Variants in ANTXR1 observed in about 807,000 individuals in gnomAD.
The protein encoded by ANTXR1 is anthrax toxin receptor 1.
ANTXR1 carries 19 observed loss-of-function variants against 78.1 expected under a neutral mutation model. That is an observed-to-expected ratio of 0.24 (90% CI 0.17 to 0.36). ANTXR1 has a LOEUF of 0.36. Among genes scored for constraint, ANTXR1 ranks in the 10% least tolerant of loss-of-function variants. The pLI, the probability that ANTXR1 is intolerant of heterozygous loss-of-function variation, is 1.00. For synonymous variants in ANTXR1, 273 were observed against 260.5 expected (o/e 1.05, Z -0.46); for missense variants, 518 against 718.6 (o/e 0.72, Z 3.19).
At chr2:69,086,416 T>A (rs1206977943) in intron 8 of ANTXR1, among the ~76,000 whole-genome samples, 1 of 152,254 alleles carries the variant, frequency 6.6e-6, no homozygotes, top group African/African-American at 2.4e-5. Context: ...GGCAAAGTTC[T>A]TGTACATCCG....
intron 3 of ANTXR1, among the ~76,000 whole-genome samples, chr2:69,065,177 G>A (rs1366395967): frequency 1.3e-5 from 2 of 152,194 alleles, no homozygotes; most frequent in Non-Finnish European, 2.9e-5. Context: ...TGTAATCCCA[G>A]CACTTTGGGA....
intron 3 of ANTXR1, among the ~76,000 whole-genome samples, chr2:69,055,768 C>A (rs7580085): frequency 0.33 from 49,345 of 151,674 alleles, 13,074 homozygotes; most frequent in African/African-American, 0.71. Flanking sequence ...AGAAAAAAAA[C>A]ATTATGTGTC....
intron 1 of ANTXR1, among the ~76,000 whole-genome samples, chr2:69,024,248 T>C (rs897354075): frequency 6.6e-6 from 1 of 152,144 alleles, no homozygotes; most frequent in African/African-American, 2.4e-5. Flanking sequence ...ATGTAGGGCA[T>C]GTGCATGGAG....
At position 69,182,180 on chromosome 2, in the gene ANTXR1, G is replaced by A. The variant is rs148094986; in HGVS notation, c.1185+299G>A. ...GAGCAGGTCACACATCAGCTCAAAC[G>A]TCCTCGTGATTTCTTTTCTCACTGG... On this transcript the variant is annotated intron_variant, in intron 15 of 17. Transcript: ENST00000303714. Among the ~76,000 whole-genome samples, 25 of 152,148 alleles carry A rather than the reference G, an allele frequency of 1.6e-4. No individual in the cohort carries two copies. The South Asian group carries it at 4.6e-3, about 28-fold the overall frequency.
chr2:69,026,819 T>G (rs945623656), intron 1 of ANTXR1, among the ~76,000 whole-genome samples: 2 of 152,192 alleles, frequency 1.3e-5, no homozygotes, highest in Non-Finnish European at 2.9e-5. Context: ...CCTCATTCCT[T>G]TCCCCTCTAT....
chr2:69,035,142 A>G (rs1262474257), intron 1 of ANTXR1, among the ~76,000 whole-genome samples: 1 of 151,686 alleles, frequency 6.6e-6, no homozygotes, highest in Non-Finnish European at 1.5e-5. Flanking sequence ...ATTCATCCCT[A>G]TGCAAGAAGG....
chr2:69,205,763 G>A (rs1198083521), intron 17 of ANTXR1, among the ~76,000 whole-genome samples: 10 of 152,056 alleles, frequency 6.6e-5, no homozygotes, highest in South Asian at 2.1e-4. Context: ...TGAATCCTCC[G>A]TCTCTTAATA....
intron 12 of ANTXR1, chr2:69,145,998 T>G (rs1272022167): frequency 3.0e-6 from 3 of 985,294 alleles, no homozygotes; most frequent in Non-Finnish European, 3.6e-6. Context: ...ATTTTGTGAG[T>G]TGGGAGCAGA....
intron 17 of ANTXR1, among the ~76,000 whole-genome samples, chr2:69,198,589 A>G (rs1674710409): frequency 6.6e-6 from 1 of 152,174 alleles, no homozygotes; most frequent in Non-Finnish European, 1.5e-5. Flanking sequence ...CTAGTTTGCC[A>G]TTTACCTTTT....
intron 15 of ANTXR1, among the ~76,000 whole-genome samples, chr2:69,182,171 A>T (rs1283543132): frequency 6.6e-6 from 1 of 152,086 alleles, no homozygotes; most frequent in African/African-American, 2.4e-5. Context: ...GTCACACATC[A>T]GCTCAAACGT....
At chr2:69,071,417 A>T (rs1439598311) in intron 4 of ANTXR1, among the ~76,000 whole-genome samples, 1 of 152,236 alleles carries the variant, frequency 6.6e-6, no homozygotes, top group East Asian at 1.9e-4. Flanking sequence ...TAAACATAGA[A>T]ATGGTAATGC....
chr2:69,026,103 A>G (rs1296888836), intron 1 of ANTXR1, among the ~76,000 whole-genome samples: 5 of 152,168 alleles, frequency 3.3e-5, no homozygotes. Context: ...ACCTCTCACT[A>G]TCTTAGCACC....
intron 1 of ANTXR1, among the ~76,000 whole-genome samples, chr2:69,025,073 G>A (rs1387826300): frequency 6.6e-6 from 1 of 151,960 alleles, no homozygotes; most frequent in East Asian, 1.9e-4. Context: ...AAACTGTACT[G>A]CATAGTTCCC....
At chr2:69,108,436 G>GA (rs1671879625) in intron 10 of ANTXR1, among the ~76,000 whole-genome samples, 1 of 152,110 alleles carries the variant, frequency 6.6e-6, no homozygotes, top group Non-Finnish European at 1.5e-5. Flanking sequence ...AATATCACAA[G>GA]AAAAATATAG....
intron 14 of ANTXR1, among the ~76,000 whole-genome samples, chr2:69,178,830 C>T (rs1410198369): frequency 1.3e-5 from 2 of 152,194 alleles, no homozygotes; most frequent in Non-Finnish European, 2.9e-5. Context: ...CTAGATCTGA[C>T]TCCTCTTCTG....
chr2:69,074,332 G>A (rs1193712839), intron 6 of ANTXR1, among the ~76,000 whole-genome samples: 2 of 152,146 alleles, frequency 1.3e-5, no homozygotes, highest in African/African-American at 4.8e-5. Context: ...GCTTGATTGG[G>A]TGCCAAATAA....
At chr2:69,242,847 G>C (rs1410445318) in intron 17 of ANTXR1, among the ~76,000 whole-genome samples, 1 of 152,244 alleles carries the variant, frequency 6.6e-6, no homozygotes, top group African/African-American at 2.4e-5. Context: ...CCAAGGCTTA[G>C]ATTTATAAAG....
intron 3 of ANTXR1, among the ~76,000 whole-genome samples, chr2:69,055,960 G>A (rs1311665495): frequency 6.6e-6 from 1 of 152,102 alleles, no homozygotes; most frequent in Non-Finnish European, 1.5e-5. Flanking sequence ...AGATAGTAAT[G>A]CCCACCATAT....
chr2:69,102,809 A>G lies in ANTXR1; in HGVS notation c.704-33A>G, dbSNP rs575764535. The G allele has an allele frequency of 2.5e-6, 4 of 1,595,548 alleles. No homozygotes were observed. In the African/African-American group the frequency reaches 5.4e-5, roughly 21 times the overall value. On this transcript the variant is annotated intron_variant, in intron 9 of 17. Transcript: ENST00000303714. The stretch of plus-strand genomic sequence containing the variant: ...ATGCGAAGCTTAAGGTTATTGGCCA[A>G]GTAACGAGTCTCGTCATTATTCTTT...
Sources: gnomAD v4.1 joint callset for allele counts (sites outside exome capture counted in the v4.1 genomes callset) on GRCh38, gnomAD v4.1.1 for gene constraint, MANE v1.5 for transcripts, NCBI Gene and HGNC (gene_info 2026-07-23, HGNC 2026-07-21) for gene names.